ACAD11: variants seen among roughly 807,000 people sequenced by gnomAD.
The protein encoded by ACAD11 is acyl-CoA dehydrogenase family member 11.
In ACAD11, 83 loss-of-function variants were observed where a neutral mutation model predicts 102.2. The observed-to-expected ratio is 0.81, with a 90% CI of 0.68 to 0.97. The LOEUF (loss-of-function observed/expected upper bound fraction) is 0.97. ACAD11 is among the 50% of genes least tolerant of loss of function. ACAD11 has a pLI of 0.00. For synonymous variants in ACAD11, 324 were observed against 319.8 expected (o/e 1.01, Z -0.14); for missense variants, 901 against 951.7 (o/e 0.95, Z 0.70).
rs1363637095 is a variant in ACAD11, at chr3:132,558,791, C to T, written c.*180G>A. On this transcript the variant is annotated 3_prime_UTR_variant, in exon 20 of 20. Transcript: ENST00000264990. ...ACAGCATTTCTTACTGAACTTAACC[C>T]TGTGTGACCCTTGAAATAATAAAAC... 5.4e-6 allele frequency: 3 copies of T among 557,044 alleles called. No individual in the cohort carries two copies. The highest frequency in any genetic ancestry group is 9.4e-6 in the Non-Finnish European group (3 of 319,430). 34.5% of individuals were successfully genotyped at this position (557,044 alleles called of 1,614,324 possible). A position where few individuals can be genotyped will look rare whatever the true frequency, so the allele number is the denominator to read the frequency against.
intron 13 of ACAD11, among the ~76,000 whole-genome samples, chr3:132,591,773 C>T (rs567691392): frequency 5.9e-5 from 9 of 152,094 alleles, no homozygotes; most frequent in Admixed American, 6.5e-5. Context: ...CATCTGTAGT[C>T]CCAGCTACTC....
At chr3:132,589,919 G>A (rs749106420) in intron 13 of ACAD11, among the ~76,000 whole-genome samples, 4 of 151,984 alleles carry the variant, frequency 2.6e-5, no homozygotes, top group African/African-American at 9.7e-5. Context: ...GTTTGCGTTC[G>A]TAAGTTCTCA....
intron 13 of ACAD11, among the ~76,000 whole-genome samples, chr3:132,599,158 CAA>C (rs968034661): frequency 6.6e-6 from 1 of 151,598 alleles, no homozygotes; most frequent in African/African-American, 2.4e-5. Context: ...ATCAAAAATA[CAA>C]AAAGTTATAC....
At chr3:132,579,263 T>C (rs1430293963) in intron 14 of ACAD11, 4 of 623,142 alleles carry the variant, frequency 6.4e-6, no homozygotes, top group African/African-American at 1.8e-5. Flanking sequence ...TTAGCAACAC[T>C]TTCTAATACT....
rs1020022967 is a variant in ACAD11, at chr3:132,558,707, G to A, written c.*264C>T. On this transcript the variant is annotated 3_prime_UTR_variant, in exon 20 of 20. Coordinates refer to ENST00000264990, the MANE Select transcript of ACAD11 (RefSeq NM_032169.5). ...GTAGCAATGGGGGTCTCGCTATGTT[G>A]CCCAGGCTGGTCCTGAACTCCTGGC... 5 of 374,540 alleles carry A rather than the reference G, an allele frequency of 1.3e-5. No individual in the cohort carries two copies. Among genetic ancestry groups the A allele is most frequent in the Non-Finnish European group, 4.8e-6 (1 of 210,424 alleles). 23.2% of individuals were successfully genotyped at this position (374,540 alleles called of 1,614,324 possible). A position where few individuals can be genotyped will look rare whatever the true frequency, so the allele number is the denominator to read the frequency against.
intron 1 of ACAD11, among the ~76,000 whole-genome samples, chr3:132,652,157 T>G (rs1030726771): frequency 2.6e-5 from 4 of 152,166 alleles, no homozygotes; most frequent in Non-Finnish European, 5.9e-5. Context: ...TAGGAGGTAA[T>G]TGAATAATGG....
chr3:132,631,324 A>T lies in ACAD11; in HGVS notation c.841+17T>A. On this transcript the variant is annotated intron_variant, in intron 6 of 19. Coordinates refer to ENST00000264990, the MANE Select transcript of ACAD11 (RefSeq NM_032169.5). Reference sequence around the variant, plus strand: ...TTTTATATTAATAGCAATTTAGACAACATTATGTTTTTATACCTGAGTTTT... The same window carrying T: ...TTTTATATTAATAGCAATTTAGACATCATTATGTTTTTATACCTGAGTTTT... 3.6e-6 allele frequency: 5 copies of T among 1,388,446 alleles called. No individual in the cohort carries two copies. The highest frequency in any genetic ancestry group is 4.7e-6 in the Non-Finnish European group (5 of 1,057,360). The allele number at this position is 1,388,446 out of a possible 1,614,324, so 86.0% of individuals were successfully genotyped here.
Position 132,609,720 on chromosome 3 carries a change from C to G in ACAD11, c.1415-4515G>C, listed in dbSNP as rs1247981591. ...CAGAGGTACAAAGAGGAGCTGGTAC[C>G]CTTCCTTCTGAAACTATTCCAAATA... is the stretch of plus-strand genomic sequence containing the variant. On this transcript the variant is annotated intron_variant, in intron 11 of 19. Transcript: ENST00000264990. Among the ~76,000 whole-genome samples the G allele has an allele frequency of 2.0e-5, 3 of 152,292 alleles. No individual in the cohort carries two copies. The South Asian group carries it at 6.2e-4, about 32-fold the overall frequency.
At position 132,601,076 on chromosome 3, in the gene ACAD11, C is replaced by T. The variant is rs530056247; in HGVS notation, c.1621+2153G>A. 4 of 1,613,954 alleles carry T rather than the reference C, an allele frequency of 2.5e-6. No homozygotes were observed. The East Asian group carries it at 6.7e-5, about 27-fold the overall frequency. On this transcript the variant is annotated intron_variant, in intron 13 of 19. Coordinates refer to ENST00000264990, the MANE Select transcript of ACAD11 (RefSeq NM_032169.5). ...GTGCTACTTTATCACAGCAAGGACA[C>T]TCATGAAGATGCCAAACATTAAAAT...
chr3:132,634,856 G>C (rs989229230), intron 5 of ACAD11, among the ~76,000 whole-genome samples: 12 of 133,296 alleles, frequency 9.0e-5, no homozygotes, highest in Non-Finnish European at 1.4e-4. Context: ...ATTGAACAAT[G>C]AGAACACTTG....
chr3:132,620,426 A>G (rs1939563876), intron 9 of ACAD11: 2 of 152,216 alleles, frequency 1.3e-5, no homozygotes, highest in Non-Finnish European at 2.9e-5. Flanking sequence ...AGCTTTAAAC[A>G]AAGCCTTAAA....
chr3:132,561,009 A>T (rs1937037173), intron 18 of ACAD11, 92 bp downstream of exon 18: 1 of 965,530 alleles, frequency 1.0e-6, no homozygotes, highest in Non-Finnish European at 1.6e-6. Flanking sequence ...TCTGAGTGCC[A>T]TCAAGATGCC....
chr3:132,630,693 C>A, intron 6 of ACAD11, 135 bp from the exon 7 acceptor site: 4 of 717,554 alleles, frequency 5.6e-6, no homozygotes, highest in South Asian at 2.8e-5. Context: ...TGTTCTAAAT[C>A]TTGATTTCCA....
At chr3:132,560,012 G>GTTTC in intron 18 of ACAD11, 70 bp from the exon 19 acceptor site, 1 of 1,223,332 alleles carries the variant, frequency 8.2e-7, no homozygotes, top group Non-Finnish European at 1.2e-6. Flanking sequence ...ACTGGGAAAT[G>GTTTC]AAACAAGGAA....
At chr3:132,609,607 A>G (rs1939023103) in intron 11 of ACAD11, among the ~76,000 whole-genome samples, 1 of 152,222 alleles carries the variant, frequency 6.6e-6, no homozygotes, top group Admixed American at 6.5e-5. Context: ...TGAATAGACC[A>G]ATAACAAGGT....
chr3:132,600,611 C>A, intron 13 of ACAD11: 2 of 1,613,778 alleles, frequency 1.2e-6, no homozygotes, highest in Non-Finnish European at 1.7e-6. Flanking sequence ...TTACAAGAAA[C>A]AGAGAACCAA....
At chr3:132,603,390 A>C in intron 12 of ACAD11, 63 bp from the exon 13 acceptor site, 1 of 1,425,596 alleles carries the variant, frequency 7.0e-7, no homozygotes, top group East Asian at 2.3e-5. Context: ...TTAGATAAGG[A>C]TATGAAAACT....
intron 17 of ACAD11, among the ~76,000 whole-genome samples, chr3:132,568,451 C>T (rs1937274363): frequency 6.6e-6 from 1 of 152,074 alleles, no homozygotes; most frequent in Admixed American, 6.6e-5. Context: ...GAAAACTCCA[C>T]ATAGTAAAGA....
chr3:132,641,686 GGAAGAGGAAGAGGAAGAA>G (rs1338324702), intron 4 of ACAD11, among the ~76,000 whole-genome samples: 6 of 123,530 alleles, frequency 4.9e-5, no homozygotes, highest in African/African-American at 1.8e-4. Flanking sequence ...AAGAGGAAGA[GGAAGAGGAAGAGGAAGAA>G]GAAGAAGAAG....
Sources: allele counts gnomAD v4.1 joint callset (sites outside exome capture counted in the v4.1 genomes callset), GRCh38; gene constraint gnomAD v4.1.1; transcripts MANE v1.5; gene names NCBI Gene and HGNC (gene_info 2026-07-23, HGNC 2026-07-21).